The following ROBO2 variants were observed in gnomAD, a reference collection of about 807,000 sequenced individuals.
ROBO2 encodes roundabout guidance receptor 2, also known as roundabout homolog 2.
ROBO2 carries 53 observed loss-of-function variants against 160.8 expected under a neutral mutation model. The ratio of observed to expected loss-of-function variants is 0.33; its 90% confidence interval spans 0.26 to 0.41. The LOEUF is 0.41. Among genes scored for constraint, ROBO2 ranks in the 10% least tolerant of loss-of-function variants. The pLI, the probability that ROBO2 is intolerant of heterozygous loss-of-function variation, is 1.00. For missense variants in ROBO2, 1,577 were observed against 1,722.4 expected (o/e 0.92, Z 1.49); for synonymous variants, 664 against 611.7 (o/e 1.09, Z -1.26).
At chr3:76,019,620 G>T (rs1439091835) in intron 2 of ROBO2, among the ~76,000 whole-genome samples, 1 of 151,794 alleles carries the variant, frequency 6.6e-6, no homozygotes, top group African/African-American at 2.4e-5. Flanking sequence ...CTCCTCACAT[G>T]GTTAGGTTTT....
At chr3:77,021,239 A>C (rs576455809) in intron 2 of ROBO2, among the ~76,000 whole-genome samples, 3 of 152,118 alleles carry the variant, frequency 2.0e-5, no homozygotes, top group Non-Finnish European at 2.9e-5. Context: ...ACCCCAAAGT[A>C]TGGTGCTGTG....
rs186206735 is a variant in ROBO2, at chr3:76,342,424, A to G, written c.109+404822A>G. 1.5e-3 allele frequency among the ~76,000 whole-genome samples: 229 copies of G among 152,266 alleles called. 2 individuals carry two copies. The highest frequency in any genetic ancestry group is 1.9e-3 in the Non-Finnish European group (130 of 67,988). On this transcript the variant is annotated intron_variant, in intron 2 of 26. Coordinates refer to the ROBO2 transcript ENST00000487694. ...AACCCAAGTCTTATAGAAGCAACAC[A>G]GATGAGCCCAGATGAATGACTGCAC...
intron 2 of ROBO2, among the ~76,000 whole-genome samples, chr3:77,267,237 G>A (rs538767011): frequency 6.6e-6 from 1 of 152,072 alleles, no homozygotes; most frequent in Admixed American, 6.6e-5. Flanking sequence ...CTCTCTACAC[G>A]TAAGCGGTAG....
chr3:77,149,330 C>T (rs536268160), intron 2 of ROBO2, among the ~76,000 whole-genome samples: 59 of 152,048 alleles, frequency 3.9e-4, no homozygotes, highest in African/African-American at 6.7e-4. Flanking sequence ...CCACTGCACC[C>T]GGCCCAAAGT....
intron 2 of ROBO2, among the ~76,000 whole-genome samples, chr3:76,181,852 T>TA (rs1701523118): frequency 1.3e-5 from 2 of 152,132 alleles, no homozygotes; most frequent in African/African-American, 2.4e-5. Flanking sequence ...TTCAACTCTA[T>TA]AAAAAATCTC....
chr3:76,209,523 T>C (rs1446849582), intron 2 of ROBO2, among the ~76,000 whole-genome samples: 1 of 152,322 alleles, frequency 6.6e-6, no homozygotes, highest in Middle Eastern at 3.4e-3. Context: ...TAGTGGTATA[T>C]ACAAAATGTT....
At chr3:77,548,682 A>G (rs932396261) in intron 7 of ROBO2, among the ~76,000 whole-genome samples, 2 of 152,008 alleles carry the variant, frequency 1.3e-5, no homozygotes, top group African/African-American at 4.8e-5. Context: ...ATAATTCCAG[A>G]GATATTAATG....
intron 2 of ROBO2, among the ~76,000 whole-genome samples, chr3:76,034,423 C>G (rs547140652): frequency 6.6e-6 from 1 of 152,108 alleles, no homozygotes; most frequent in Non-Finnish European, 1.5e-5. Flanking sequence ...AGACAAGTCA[C>G]CTATACTAAT....
chr3:77,234,115 GGA>G (rs2151304565), intron 2 of ROBO2, among the ~76,000 whole-genome samples: 1 of 152,218 alleles, frequency 6.6e-6, no homozygotes, highest in East Asian at 1.9e-4. Flanking sequence ...TTTTGCCTTT[GGA>G]AATTAAATAT....
At chr3:76,928,819 G>A (rs183011736) in intron 2 of ROBO2, among the ~76,000 whole-genome samples, 7 of 152,210 alleles carry the variant, frequency 4.6e-5, no homozygotes, top group South Asian at 4.1e-4. Context: ...TCTCACCTCC[G>A]TGGTTAACTC....
chr3:76,178,116 T>C (rs1273768386), intron 2 of ROBO2, among the ~76,000 whole-genome samples: 1 of 152,218 alleles, frequency 6.6e-6, no homozygotes, highest in African/African-American at 2.4e-5. Context: ...TTTAAAATAT[T>C]ACAAGGATGA....
chr3:76,134,877 T>A (rs892606046), intron 2 of ROBO2, among the ~76,000 whole-genome samples: 1 of 151,972 alleles, frequency 6.6e-6, no homozygotes, highest in Admixed American at 6.6e-5. Flanking sequence ...CAAAAAAAAA[T>A]AAGTAGGGTA....
intron 2 of ROBO2, among the ~76,000 whole-genome samples, chr3:76,037,659 A>G (rs2067155667): frequency 1.3e-5 from 2 of 152,030 alleles, no homozygotes; most frequent in Non-Finnish European, 2.9e-5. Flanking sequence ...AAAAACAACA[A>G]CAAAAAAATA....
rs186773061 is a variant in ROBO2, at chr3:76,445,612, C to G, written c.109+508010C>G. Among the ~76,000 whole-genome samples the G allele has an allele frequency of 4.7e-4, 71 of 152,178 alleles. No individual in the cohort carries two copies. In the East Asian group the frequency reaches 0.014, roughly 29 times the overall value. ...AAAAGAGAATTTTAGACCAATATCC[C>G]TGATGAACATCAATGCAAAAATCCT... is the stretch of plus-strand genomic sequence containing the variant. On this transcript the variant is annotated intron_variant, in intron 2 of 26. Coordinates refer to the ROBO2 transcript ENST00000487694.
intron 2 of ROBO2, among the ~76,000 whole-genome samples, chr3:77,017,466 T>C (rs2062345885): frequency 6.6e-6 from 1 of 152,216 alleles, no homozygotes; most frequent in Non-Finnish European, 1.5e-5. Flanking sequence ...GACATGGTTT[T>C]CTTCCACAAT....
At chr3:77,597,961 C>T (rs1422898482) in intron 19 of ROBO2, among the ~76,000 whole-genome samples, 1 of 152,052 alleles carries the variant, frequency 6.6e-6, no homozygotes, top group Non-Finnish European at 1.5e-5. Flanking sequence ...TGCTGGGATC[C>T]AAGTACTCCA....
At chr3:75,982,416 C>A (rs2065305186) in intron 2 of ROBO2, among the ~76,000 whole-genome samples, 1 of 151,368 alleles carries the variant, frequency 6.6e-6, no homozygotes, top group African/African-American at 2.4e-5. Flanking sequence ...TCCTTTTTTC[C>A]ACATCCTTCT....
intron 2 of ROBO2, among the ~76,000 whole-genome samples, chr3:77,109,971 G>C (rs774684481): frequency 6.6e-6 from 1 of 152,102 alleles, no homozygotes; most frequent in African/African-American, 2.4e-5. Flanking sequence ...GCATTTTGGC[G>C]CAAACAATTC....
At chr3:76,184,158 G>C (rs1214511265) in intron 2 of ROBO2, among the ~76,000 whole-genome samples, 1 of 151,998 alleles carries the variant, frequency 6.6e-6, no homozygotes, top group Non-Finnish European at 1.5e-5. Flanking sequence ...TGTTAATTTA[G>C]ACTGGGCTCA....
Sources: gnomAD v4.1 joint callset for allele counts (sites outside exome capture counted in the v4.1 genomes callset) on GRCh38, gnomAD v4.1.1 for gene constraint, MANE v1.5 for transcripts, NCBI Gene and HGNC (gene_info 2026-07-23, HGNC 2026-07-21) for gene names.